The following RABGAP1L variants were observed in gnomAD, a reference collection of about 807,000 sequenced individuals.
RABGAP1L encodes rab GTPase-activating protein 1-like.
A neutral mutation model predicts 137.7 loss-of-function variants in RABGAP1L; 63 were observed. The observed-to-expected ratio is 0.46, with a 90% CI of 0.37 to 0.56. The LOEUF (loss-of-function observed/expected upper bound fraction) is 0.56. Among genes scored for constraint, RABGAP1L ranks in the 20% least tolerant of loss-of-function variants. The pLI is 0.00. For missense variants in RABGAP1L, 1,095 were observed against 1,244.0 expected, an observed-to-expected ratio of 0.88 and a Z score of 1.80; for synonymous variants, 431 against 433.7, an observed-to-expected ratio of 0.99 and a Z score of 0.08.
chr1:174,737,805 A>G (rs1683079872), intron 17 of RABGAP1L, among the ~76,000 whole-genome samples: 1 of 152,210 alleles, frequency 6.6e-6, no homozygotes, highest in Non-Finnish European at 1.5e-5. Flanking sequence ...GCTTACAATC[A>G]TGGCAGAAGG....
chr1:174,766,008 C>G (rs1336971358), intron 18 of RABGAP1L, among the ~76,000 whole-genome samples: 1 of 152,086 alleles, frequency 6.6e-6, no homozygotes, highest in Non-Finnish European at 1.5e-5. Flanking sequence ...GAAATAGAAT[C>G]TTTAAAGAGG....
At chr1:174,715,884 C>T (rs540704849) in intron 17 of RABGAP1L, among the ~76,000 whole-genome samples, 1 of 152,204 alleles carries the variant, frequency 6.6e-6, no homozygotes, top group Non-Finnish European at 1.5e-5. Context: ...TCCTGGTATT[C>T]TTTTCCAGCT....
chr1:174,751,157 C>G (rs1684309014), intron 17 of RABGAP1L, among the ~76,000 whole-genome samples: 1 of 152,008 alleles, frequency 6.6e-6, no homozygotes, highest in Non-Finnish European at 1.5e-5. Flanking sequence ...AACCCCAAAC[C>G]AAAAATATTT....
intron 19 of RABGAP1L, among the ~76,000 whole-genome samples, chr1:174,826,984 T>C (rs929248682): frequency 4.6e-5 from 7 of 152,208 alleles, no homozygotes; most frequent in African/African-American, 7.2e-5. Context: ...CTCACAGTTC[T>C]GAAGGTTAGA....
chr1:174,299,753 T>C (rs942677599), intron 10 of RABGAP1L, among the ~76,000 whole-genome samples: 1 of 152,258 alleles, frequency 6.6e-6, no homozygotes, highest in East Asian at 1.9e-4. Context: ...GTGCATTTAG[T>C]TAACTCTTGT....
At chr1:174,889,099 T>C (rs1558193916) in intron 19 of RABGAP1L, among the ~76,000 whole-genome samples, 1 of 152,030 alleles carries the variant, frequency 6.6e-6, no homozygotes, top group South Asian at 2.1e-4. Context: ...TTTTTGAATT[T>C]TTGTTTTATT....
At chr1:174,251,897 A>T (rs868608947) in intron 6 of RABGAP1L, among the ~76,000 whole-genome samples, 55 of 140,112 alleles carry the variant, frequency 3.9e-4, no homozygotes, top group African/African-American at 1.2e-3. Context: ...TCATGTTGTC[A>T]TTTTTTTTTT....
chr1:174,572,169 A>T (rs16847206), intron 13 of RABGAP1L, among the ~76,000 whole-genome samples: 12,074 of 152,278 alleles, frequency 0.079, 670 homozygotes, highest in East Asian at 0.32. Context: ...GAAGTTTCAC[A>T]TGGACTACGG....
At chr1:174,664,814 C>T (rs186675512) in intron 14 of RABGAP1L, among the ~76,000 whole-genome samples, 3 of 145,092 alleles carry the variant, frequency 2.1e-5, no homozygotes, top group East Asian at 4.1e-4. Flanking sequence ...CTTGGCTCAC[C>T]GCAACCTCTG....
chr1:174,698,023 G>T (rs112573213), intron 15 of RABGAP1L, among the ~76,000 whole-genome samples: 1 of 152,216 alleles, frequency 6.6e-6, no homozygotes, highest in Non-Finnish European at 1.5e-5. Context: ...TGGCTGATTT[G>T]TATGAAATCT....
chr1:174,436,608 C>T (rs1465169423), intron 13 of RABGAP1L, among the ~76,000 whole-genome samples: 1 of 152,130 alleles, frequency 6.6e-6, no homozygotes, highest in Admixed American at 6.5e-5. Flanking sequence ...TGTAGGTTGC[C>T]TGTTCACTCT....
intron 1 of RABGAP1L, among the ~76,000 whole-genome samples, chr1:174,165,695 CATT>C: frequency 6.6e-6 from 1 of 151,874 alleles, no homozygotes; most frequent in Non-Finnish European, 1.5e-5. Context: ...GACGGGGTCT[CATT>C]ATGTTGCCCA....
intron 11 of RABGAP1L, among the ~76,000 whole-genome samples, chr1:174,360,457 G>T (rs143255590): frequency 2.6e-5 from 4 of 152,086 alleles, no homozygotes; most frequent in African/African-American, 7.2e-5. Flanking sequence ...AGTCATAAAA[G>T]TTATGTTATT....
At chr1:174,701,933 T>G (rs1351182371) in intron 16 of RABGAP1L, among the ~76,000 whole-genome samples, 180 bp from the exon 17 acceptor site, 2 of 152,132 alleles carry the variant, frequency 1.3e-5, no homozygotes, top group Non-Finnish European at 2.9e-5. Context: ...CTCAATTATC[T>G]GTCATATCCC....
intron 6 of RABGAP1L, among the ~76,000 whole-genome samples, chr1:174,252,102 C>T (rs1672762658): frequency 6.6e-6 from 1 of 152,138 alleles, no homozygotes; most frequent in Non-Finnish European, 1.5e-5. Flanking sequence ...ACCATGTTGG[C>T]CAGGCTGGCC....
intron 13 of RABGAP1L, among the ~76,000 whole-genome samples, chr1:174,576,432 T>A (rs541087041): frequency 2.6e-5 from 4 of 152,280 alleles, no homozygotes; most frequent in Admixed American, 2.0e-4. Context: ...GGAATCTTGG[T>A]GATGTGAAAC....
chr1:174,342,361 A>G (rs970116306), intron 11 of RABGAP1L, among the ~76,000 whole-genome samples: 3 of 152,132 alleles, frequency 2.0e-5, no homozygotes, highest in African/African-American at 7.2e-5. Flanking sequence ...ATTTTTCCCT[A>G]GTAAGTATTG....
At chr1:174,904,479 T>C (rs1658698584) in intron 19 of RABGAP1L, among the ~76,000 whole-genome samples, 1 of 152,078 alleles carries the variant, frequency 6.6e-6, no homozygotes, top group Non-Finnish European at 1.5e-5. Flanking sequence ...CATGACTGCC[T>C]AAAGGGAGGA....
Position 174,991,024 on chromosome 1 carries a change from G to A in RABGAP1L, c.*1023G>A, listed in dbSNP as rs1364125143. ...TCACATCATCTTAGTTTAATGCTGGGCAACTTTTTCTGATTTCTGTAGTTC... is the reference window on the plus strand; with the variant it reads ...TCACATCATCTTAGTTTAATGCTGGACAACTTTTTCTGATTTCTGTAGTTC... On this transcript the variant is annotated 3_prime_UTR_variant, in exon 26 of 26. Transcript: ENST00000681986. 1.3e-5 allele frequency: 2 copies of A among 152,162 alleles called. No homozygotes were observed. Among genetic ancestry groups the A allele is most frequent in the South Asian group, 2.1e-4 (1 of 4,828 alleles). 9.4% of individuals were successfully genotyped at this position (152,162 alleles called of 1,614,324 possible).
Sources: gnomAD v4.1 joint callset for allele counts (sites outside exome capture counted in the v4.1 genomes callset) on GRCh38, gnomAD v4.1.1 for gene constraint, MANE v1.5 for transcripts, NCBI Gene and HGNC (gene_info 2026-07-23, HGNC 2026-07-21) for gene names.